Variants in SNTG2 observed in about 807,000 individuals in gnomAD.
SNTG2 encodes the protein syntrophin gamma 2.
In SNTG2, 74 loss-of-function variants were observed where a neutral mutation model predicts 70.9. The ratio of observed to expected loss-of-function variants is 1.04; its 90% CI spans 0.86 to 1.27. The LOEUF is 1.27. Among genes scored for constraint, SNTG2 ranks in the 50% most tolerant of loss-of-function variants. The pLI, the probability that SNTG2 is intolerant of heterozygous loss-of-function variation, is 0.00. For missense variants in SNTG2, 717 were observed against 690.7 expected (o/e 1.04, Z -0.43); for synonymous variants, 278 against 273.8 (o/e 1.02, Z -0.15).
At chr2:1,355,481 G>A (rs1200645702) in intron 16 of SNTG2, among the ~76,000 whole-genome samples, 1 of 152,176 alleles carries the variant, frequency 6.6e-6, no homozygotes, top group Admixed American at 6.6e-5. Flanking sequence ...ACTTATCACC[G>A]TGTCTTCCAG....
chr2:1,210,614 C>T (rs1380800982), intron 9 of SNTG2: 13 of 152,222 alleles, frequency 8.5e-5, no homozygotes, highest in Non-Finnish European at 1.6e-4. Context: ...TGGACCTTCA[C>T]ATTCACTCAC....
chr2:1,233,542 G>C (rs925755091), intron 9 of SNTG2, among the ~76,000 whole-genome samples: 3 of 152,198 alleles, frequency 2.0e-5, no homozygotes, highest in Admixed American at 6.5e-5. Context: ...CAGGGTGCAG[G>C]GTTGAGGCTG....
At chr2:1,216,046 T>G (rs1273638951) in intron 9 of SNTG2, among the ~76,000 whole-genome samples, 2 of 152,212 alleles carry the variant, frequency 1.3e-5, no homozygotes, top group African/African-American at 2.4e-5. Flanking sequence ...GCAGCATGAT[T>G]TATAGTCCTT....
chr2:1,062,105 A>G (rs1662864886), intron 1 of SNTG2, among the ~76,000 whole-genome samples: 1 of 152,228 alleles, frequency 6.6e-6, no homozygotes, highest in Non-Finnish European at 1.5e-5. Context: ...AAGGATTTTC[A>G]CACCATTTGA....
intron 4 of SNTG2, among the ~76,000 whole-genome samples, chr2:1,126,856 T>A (rs932097243): frequency 6.6e-6 from 1 of 152,212 alleles, no homozygotes; most frequent in African/African-American, 2.4e-5. Context: ...TCCTTGTATA[T>A]GCTGATATTA....
chr2:1,287,295 A>G (rs1679803430), intron 14 of SNTG2, among the ~76,000 whole-genome samples: 1 of 152,220 alleles, frequency 6.6e-6, no homozygotes, highest in African/African-American at 2.4e-5. Context: ...GGAAATAGAA[A>G]TAGTCCAACA....
At chr2:1,272,376 A>G (rs934112665) in intron 14 of SNTG2, among the ~76,000 whole-genome samples, 1 of 147,860 alleles carries the variant, frequency 6.8e-6, no homozygotes. Flanking sequence ...TGCTCATCTG[A>G]CAGGAGGCAG....
intron 9 of SNTG2, among the ~76,000 whole-genome samples, 159 bp from the exon 10 acceptor site, chr2:1,237,729 C>T (rs917894749): frequency 6.2e-4 from 95 of 152,356 alleles, no homozygotes; most frequent in African/African-American, 1.9e-3. Flanking sequence ...TTGGTCTCAG[C>T]GAGCCTGCTG....
intron 8 of SNTG2, among the ~76,000 whole-genome samples, chr2:1,189,417 C>T (rs188830534): frequency 6.6e-6 from 1 of 152,240 alleles, no homozygotes; most frequent in East Asian, 1.9e-4. Context: ...CCAGCATAGT[C>T]AAGGTATTAT....
chr2:1,087,901 A>G (rs1347707343), intron 2 of SNTG2, among the ~76,000 whole-genome samples: 2 of 151,966 alleles, frequency 1.3e-5, no homozygotes, highest in African/African-American at 4.8e-5. Flanking sequence ...GCAAGCGTGT[A>G]GGAGTTTATG....
At chr2:1,152,646 C>T (rs77420961) in intron 6 of SNTG2, among the ~76,000 whole-genome samples, 3,238 of 152,226 alleles carry the variant, frequency 0.021, 116 homozygotes, top group African/African-American at 0.074. Context: ...TTGTGTGTAA[C>T]ATTTGTAGTT....
chr2:1,231,069 CCGAAAGG>C (rs1676202422), intron 9 of SNTG2, among the ~76,000 whole-genome samples: 10 of 148,892 alleles, frequency 6.7e-5, no homozygotes, highest in African/African-American at 2.6e-4. Context: ...TGAAATAGAT[CCGAAAGG>C]TGAATTACTT....
intron 8 of SNTG2, among the ~76,000 whole-genome samples, chr2:1,173,710 G>C (rs1294743660): frequency 6.6e-6 from 1 of 152,188 alleles, no homozygotes; most frequent in African/African-American, 2.4e-5. Flanking sequence ...AGAACCTGTA[G>C]CTCCCTGGGG....
At chr2:1,026,892 A>G (rs1295983556) in intron 1 of SNTG2, among the ~76,000 whole-genome samples, 1 of 151,622 alleles carries the variant, frequency 6.6e-6, no homozygotes, top group Non-Finnish European at 1.5e-5. Flanking sequence ...TTCTCTCCTG[A>G]CTTAGTGTCT....
chr2:1,307,811 C>T (rs1391573884), intron 14 of SNTG2, among the ~76,000 whole-genome samples: 1 of 152,240 alleles, frequency 6.6e-6, no homozygotes, highest in African/African-American at 2.4e-5. Context: ...AGCCTGAAGC[C>T]CAGAGACCTT....
At chr2:1,054,709 T>C (rs557823011) in intron 1 of SNTG2, among the ~76,000 whole-genome samples, 35 of 152,312 alleles carry the variant, frequency 2.3e-4, no homozygotes, top group African/African-American at 8.4e-4. Context: ...TCCCCAGACC[T>C]TGGATCAGAA....
chr2:1,235,992 TA>T (rs1202006356), intron 9 of SNTG2, among the ~76,000 whole-genome samples: 3 of 152,122 alleles, frequency 2.0e-5, no homozygotes, highest in African/African-American at 7.2e-5. Context: ...TGCCTAAAAA[TA>T]ATAGTCTCTG....
intron 6 of SNTG2, among the ~76,000 whole-genome samples, chr2:1,163,067 G>A (rs1670437267): frequency 6.6e-6 from 1 of 152,284 alleles, no homozygotes; most frequent in African/African-American, 2.4e-5. Flanking sequence ...CACAGGAAGT[G>A]GGCATGTGAA....
intron 1 of SNTG2, among the ~76,000 whole-genome samples, chr2:1,049,814 A>G (rs13030830): frequency 0.15 from 22,353 of 152,218 alleles, 2,181 homozygotes; most frequent in African/African-American, 0.27. Context: ...TGGTATTGTC[A>G]GTGTTTTGAA....
Sources: gnomAD v4.1 joint callset for allele counts (sites outside exome capture counted in the v4.1 genomes callset) on GRCh38, gnomAD v4.1.1 for gene constraint, MANE v1.5 for transcripts, NCBI Gene and HGNC (gene_info 2026-07-23, HGNC 2026-07-21) for gene names.